IL1RAPL1: variants seen among roughly 807,000 people sequenced by gnomAD.
IL1RAPL1 encodes the protein interleukin-1 receptor accessory protein-like 1.
IL1RAPL1 carries 3 observed loss-of-function variants against 48.4 expected under a neutral mutation model. That is an observed-to-expected ratio of 0.06 (90% CI 0.03 to 0.16). The LOEUF (loss-of-function observed/expected upper bound fraction) is 0.16. Among genes scored for constraint, IL1RAPL1 ranks in the 10% least tolerant of loss-of-function variants. The pLI is 1.00. For missense variants in IL1RAPL1, 349 were observed against 530.6 expected, an observed-to-expected ratio of 0.66 and a Z score of 3.36; for synonymous variants, 185 against 187.7, an observed-to-expected ratio of 0.99 and a Z score of 0.12.
intron 2 of IL1RAPL1, among the ~76,000 whole-genome samples, chrX:29,050,649 A>G (rs1390775361): frequency 8.9e-6 from 1 of 112,109 alleles, no homozygotes; most frequent in Non-Finnish European, 1.9e-5. Flanking sequence ...TGTTAGTTTT[A>G]CTTAACTGTT....
At chrX:29,899,236 A>G (rs1932450653) in intron 6 of IL1RAPL1, among the ~76,000 whole-genome samples, 1 of 111,185 alleles carries the variant, frequency 9.0e-6, no homozygotes, top group South Asian at 3.8e-4. Context: ...AACTCCAAAA[A>G]GAAAGAAAGA....
At chrX:29,434,224 C>T (rs1175638906) in intron 5 of IL1RAPL1, among the ~76,000 whole-genome samples, 1 of 109,805 alleles carries the variant, frequency 9.1e-6, no homozygotes, top group African/African-American at 3.3e-5. Context: ...TCTCAGTTCC[C>T]TTCTCAATCA....
At chrX:29,686,425 T>A (rs911936997) in intron 6 of IL1RAPL1, among the ~76,000 whole-genome samples, 3 of 110,990 alleles carry the variant, frequency 2.7e-5, no homozygotes, top group African/African-American at 9.8e-5. Flanking sequence ...TCCAACTGTC[T>A]ATGGCAATGA....
At chrX:28,996,079 GC>G (rs1266043378) in intron 2 of IL1RAPL1, among the ~76,000 whole-genome samples, 2 of 111,277 alleles carry the variant, frequency 1.8e-5, no homozygotes, top group East Asian at 2.8e-4. Context: ...GAAACCCCAT[GC>G]CCATTAGCAG....
intron 6 of IL1RAPL1, among the ~76,000 whole-genome samples, chrX:29,812,173 A>G (rs533321523): frequency 1.8e-5 from 2 of 112,576 alleles, no homozygotes; most frequent in South Asian, 7.3e-4. Context: ...TCAACAAAAT[A>G]GCACAAAACT....
chrX:28,682,190 G>A (rs1429356953), intron 1 of IL1RAPL1, among the ~76,000 whole-genome samples: 2 of 111,588 alleles, frequency 1.8e-5, no homozygotes, highest in African/African-American at 6.5e-5. Flanking sequence ...TCATTCATCT[G>A]TTGATATATA....
rs190070193 is a variant in IL1RAPL1, at chrX:29,451,160, T to C, written c.703+51852T>C. 3.0e-3 allele frequency among the ~76,000 whole-genome samples: 326 copies of C among 109,870 alleles called. 2 individuals are homozygous for C. The highest frequency in any genetic ancestry group is 0.01 in the African/African-American group (309 of 30,486). Reference sequence around the variant, plus strand: ...ATGGTAATTTTCTTTTCTTCTATTCTTTTTTATTATTTTTATTTTTTTATT... The same window carrying C: ...ATGGTAATTTTCTTTTCTTCTATTCCTTTTTATTATTTTTATTTTTTTATT... On this transcript the variant is annotated intron_variant, in intron 5 of 10. Transcript: ENST00000378993.
At chrX:29,323,648 A>C (rs1290007378) in intron 3 of IL1RAPL1, among the ~76,000 whole-genome samples, 7 of 87,843 alleles carry the variant, frequency 8.0e-5, no homozygotes, top group African/African-American at 2.6e-4. Context: ...TTTCCATCAG[A>C]TACTTCTCTG....
At chrX:29,403,740 A>T (rs1442234137) in intron 5 of IL1RAPL1, among the ~76,000 whole-genome samples, 1 of 111,582 alleles carries the variant, frequency 9.0e-6, no homozygotes, top group Non-Finnish European at 1.9e-5. Flanking sequence ...CCCCTACCTT[A>T]TGTGTAACCT....
intron 8 of IL1RAPL1, among the ~76,000 whole-genome samples, chrX:29,934,359 G>A (rs1436409684): frequency 8.9e-6 from 1 of 111,963 alleles, no homozygotes; most frequent in Non-Finnish European, 1.9e-5. Flanking sequence ...AAAATTCCAG[G>A]GTGAAGACAT....
At chrX:28,860,954 G>C (rs1921927836) in intron 2 of IL1RAPL1, among the ~76,000 whole-genome samples, 1 of 110,957 alleles carries the variant, frequency 9.0e-6, no homozygotes, top group Admixed American at 9.7e-5. Context: ...CAGTGTAAAA[G>C]ACTATCATAT....
chrX:28,769,031 A>G (rs1183244231), intron 1 of IL1RAPL1, among the ~76,000 whole-genome samples: 3 of 107,628 alleles, frequency 2.8e-5, no homozygotes, highest in Non-Finnish European at 5.8e-5. Flanking sequence ...GCAGTCTCAA[A>G]TGAGTTCGAG....
chrX:29,564,130 G>T (rs1215286749), intron 5 of IL1RAPL1, among the ~76,000 whole-genome samples: 2 of 111,551 alleles, frequency 1.8e-5, no homozygotes, highest in East Asian at 5.6e-4. Context: ...CATAATTTGG[G>T]CACAAGGAGA....
intron 6 of IL1RAPL1, among the ~76,000 whole-genome samples, chrX:29,885,416 A>C (rs189743513): frequency 8.9e-6 from 1 of 111,773 alleles, no homozygotes; most frequent in African/African-American, 3.3e-5. Flanking sequence ...TGCAAGTCCC[A>C]TGGGGGCGGA....
chrX:28,939,233 A>G (rs184810558), intron 2 of IL1RAPL1, among the ~76,000 whole-genome samples: 1 of 110,958 alleles, frequency 9.0e-6, no homozygotes, highest in African/African-American at 3.3e-5. Flanking sequence ...ACATGCATGC[A>G]TATGTTCATT....
At chrX:29,689,162 A>C (rs751075704) in intron 6 of IL1RAPL1, among the ~76,000 whole-genome samples, 4 of 111,794 alleles carry the variant, frequency 3.6e-5, no homozygotes, top group Non-Finnish European at 7.5e-5. Context: ...ATTGTTCCCA[A>C]AGTCTTCACA....
chrX:29,797,026 C>T (rs1353994730), intron 6 of IL1RAPL1, among the ~76,000 whole-genome samples: 1 of 112,835 alleles, frequency 8.9e-6, no homozygotes. Context: ...TCCTTACCAC[C>T]TTTTCTTAAG....
intron 6 of IL1RAPL1, among the ~76,000 whole-genome samples, chrX:29,854,999 A>G (rs1047444990): frequency 8.1e-5 from 9 of 111,552 alleles, no homozygotes; most frequent in African/African-American, 2.9e-4. Flanking sequence ...TTTATGTTCT[A>G]TCTGTCTTCG....
chrX:29,680,341 C>A (rs1926412981), intron 6 of IL1RAPL1, among the ~76,000 whole-genome samples: 1 of 111,434 alleles, frequency 9.0e-6, no homozygotes, highest in Non-Finnish European at 1.9e-5. Context: ...GTTCTTCTAA[C>A]CAGGAGGAAA....
Sources: gnomAD v4.1 joint callset for allele counts (sites outside exome capture counted in the v4.1 genomes callset) on GRCh38, gnomAD v4.1.1 for gene constraint, MANE v1.5 for transcripts, NCBI Gene and HGNC (gene_info 2026-07-23, HGNC 2026-07-21) for gene names.